The following NYNRIN variants were observed in gnomAD, a reference collection of about 807,000 sequenced individuals.
NYNRIN encodes the protein protein NYNRIN.
In NYNRIN, 86 loss-of-function variants were observed where a neutral mutation model predicts 146.6. The ratio of observed to expected loss-of-function variants is 0.59; its 90% CI spans 0.49 to 0.70. The LOEUF (loss-of-function observed/expected upper bound fraction) is 0.70. Ranked by LOEUF, NYNRIN falls within the 30% of genes least tolerant of loss-of-function variation. NYNRIN has a pLI of 0.00. For missense variants in NYNRIN, 2,191 were observed against 2,377.7 expected (o/e 0.92, Z 1.63); for synonymous variants, 1,027 against 1,001.3 (o/e 1.03, Z -0.48).
intron 8 of NYNRIN, among the ~76,000 whole-genome samples, chr14:24,414,132 C>T (rs1039772294): frequency 6.6e-6 from 1 of 152,206 alleles, no homozygotes; most frequent in African/African-American, 2.4e-5. Flanking sequence ...GCTCTGCTTC[C>T]TGGGGCCAGA....
At chr14:24,410,696 T>A (rs907554613) in intron 4 of NYNRIN, among the ~76,000 whole-genome samples, 2 of 152,204 alleles carry the variant, frequency 1.3e-5, no homozygotes, top group African/African-American at 4.8e-5. Flanking sequence ...GCCACATAAT[T>A]TGCCACATGA....
At position 24,415,004 on chromosome 14, in the gene NYNRIN, C is replaced by T. The variant is rs751088740; in HGVS notation, c.3255C>T (p.Leu1085=). 8 of 1,600,662 alleles carry T rather than the reference C, an allele frequency of 5.0e-6. No individual in the cohort carries two copies. The highest frequency in any genetic ancestry group is 4.4e-5 in the South Asian group (4 of 90,364). The change falls in exon 9 of 9, where the codon CTC becomes CTT. Residue 1085 remains leucine (L), a synonymous_variant. Coordinates refer to ENST00000382554, the MANE Select transcript of NYNRIN (RefSeq NM_025081.3). ...AGGTTCTTGCCCACCTGGCCCAGCT[C>T]ACCATCCCCAGCAACTTCACCGCAC... is the stretch of plus-strand genomic sequence containing the variant. ...CQQVLAHLAQ[L]TIPSNFTALS...
rs754180089 is a variant in NYNRIN at position 24,415,156 on chromosome 14, A to G, written c.3407A>G (p.Glu1136Gly). Reference sequence around the variant, plus strand: ...TGGCAGTGGGACCAGGAGCATGAGGAGGCCTTCCTGGCCCTGAAGCGAGCC... The same window carrying G: ...TGGCAGTGGGACCAGGAGCATGAGGGGGCCTTCCTGGCCCTGAAGCGAGCC... ...PDWQWDQEHEEAFLALKRALV... is the reference protein window; with the variant it reads ...PDWQWDQEHEGAFLALKRALV... Residue 1136 changes from glutamate to glycine, a missense_variant, in exon 9 of 9, where the codon GAG (glutamate) becomes GGG (glycine). This residue lies in a region of NYNRIN where 1,291 missense variants were observed against 1,417.0 expected (regional missense o/e 0.91). Coordinates refer to ENST00000382554, the MANE Select transcript of NYNRIN (RefSeq NM_025081.3). The G allele has an allele frequency of 6.2e-7, 1 of 1,606,156 alleles. No homozygotes were observed. Among genetic ancestry groups the G allele is most frequent in the Non-Finnish European group, 8.5e-7 (1 of 1,178,936 alleles).
chr14:24,414,992 C>T lies in NYNRIN; in HGVS notation c.3243C>T (p.His1081=), dbSNP rs1230599282. The T allele has an allele frequency of 6.3e-7, 1 of 1,598,244 alleles. No individual in the cohort carries two copies. Among genetic ancestry groups the T allele is most frequent in the Non-Finnish European group, 8.6e-7 (1 of 1,168,382 alleles). ...GKAPCQQVLA[H]LAQLTIPSNF... ...CTCCCTGCCAGCAGGTTCTTGCCCACCTGGCCCAGCTCACCATCCCCAGCA... is the reference window on the plus strand; with the variant it reads ...CTCCCTGCCAGCAGGTTCTTGCCCATCTGGCCCAGCTCACCATCCCCAGCA... Residue 1081 remains histidine (H), a synonymous_variant, in exon 9 of 9, where the codon CAC becomes CAT. Transcript: ENST00000382554.
At position 24,417,032 on chromosome 14, in the gene NYNRIN, G is replaced by A. The variant is rs1317097752; in HGVS notation, c.5283G>A (p.Leu1761=). The A allele has an allele frequency of 6.2e-7, 1 of 1,609,518 alleles. No individual in the cohort carries two copies. The highest frequency in any genetic ancestry group is 1.7e-4 in the Middle Eastern group (1 of 6,042). The change falls in exon 9 of 9, where the codon CTG becomes CTA. Residue 1761 remains leucine, a synonymous_variant. Coordinates refer to ENST00000382554, the MANE Select transcript of NYNRIN (RefSeq NM_025081.3). ...SSTDATPFKV[L]TGGESRLTEP... is the part of the protein sequence containing the mutation. ...CTGATGCCACACCGTTCAAGGTCCTGACCGGGGGTGAGTCAAGGCTCACGG... is the reference window on the plus strand; with the variant it reads ...CTGATGCCACACCGTTCAAGGTCCTAACCGGGGGTGAGTCAAGGCTCACGG...
In NYNRIN at chr14:24,409,532, C is replaced by T. The variant is rs375647768; in HGVS notation, c.1738C>T (p.His580Tyr). The T allele has an allele frequency of 5.0e-6, 8 of 1,612,666 alleles. No homozygotes were observed. In the African/African-American group the frequency reaches 8.0e-5, roughly 16 times the overall value. Residue 580 changes from histidine to tyrosine, a missense_variant, in exon 4 of 9, where the codon CAC (histidine) becomes TAC (tyrosine). Physicochemically the swap from His to Tyr is moderately conservative, Grantham distance 83. Coordinates refer to ENST00000382554, the MANE Select transcript of NYNRIN (RefSeq NM_025081.3). ...LPTSRMMLAVHTEPAAPEVPL... is the reference protein window; with the variant it reads ...LPTSRMMLAVYTEPAAPEVPL... ...TACATCTCGAATGATGCTGGCAGTG[C>T]ACACAGAGCCTGCAGCTCCCGAAGT... is the stretch of plus-strand genomic sequence containing the variant.
Position 24,411,331 on chromosome 14 carries a change from T to G in NYNRIN, c.2546-23T>G, listed in dbSNP as rs1157060735. 1 of 1,613,734 alleles carries G rather than the reference T, an allele frequency of 6.2e-7. No homozygotes were observed. Among genetic ancestry groups the G allele is most frequent in the Admixed American group, 1.7e-5 (1 of 60,022 alleles). ...CACTTAGCCCTCCCTTGACCATTTC[T>G]GTCTTCTGCCTTTCACCCCCAGAGA... is the stretch of plus-strand genomic sequence containing the variant. On this transcript the variant is annotated intron_variant, in intron 5 of 8. Transcript: ENST00000382554. This position sits in a 1 kb window ranked among gnomAD's most constrained non-coding sequence, Gnocchi z 4.3.
Position 24,414,579 on chromosome 14 carries a change from C to T in NYNRIN, c.2847-17C>T. 6.3e-7 allele frequency: 1 copy of T among 1,588,520 alleles called. No homozygotes were observed. Reference sequence around the variant, plus strand: ...ACGATGGGGCTGCCCTTCCCTCTTCCATCTGTTTTGGTGTAGGTTGGACAC... The same window carrying T: ...ACGATGGGGCTGCCCTTCCCTCTTCTATCTGTTTTGGTGTAGGTTGGACAC... On this transcript the variant is annotated splice_polypyrimidine_tract_variant and intron_variant, in intron 8 of 8. Coordinates refer to ENST00000382554, the MANE Select transcript of NYNRIN (RefSeq NM_025081.3).
Position 24,409,803 on chromosome 14 carries a change from T to C in NYNRIN, c.2009T>C (p.Val670Ala), listed in dbSNP as rs1315720504. 1.9e-6 allele frequency: 3 copies of C among 1,611,878 alleles called. No individual in the cohort carries two copies. Among genetic ancestry groups the C allele is most frequent in the Non-Finnish European group, 2.5e-6 (3 of 1,179,600 alleles). ...GCACCTGCAGCTCCCAAAGTACCTG[T>C]GACCCCCAGAGTCTCCAGAGCTCCC... Reference protein sequence around the residue: ...SKAPAAPKVPVTPRVSRAPKT... With the variant: ...SKAPAAPKVPATPRVSRAPKT... The change falls in exon 4 of 9, where the codon GTG (valine) becomes GCG (alanine). Residue 670 changes from valine (V) to alanine (A), a missense_variant. Val to Ala is a moderately conservative substitution (Grantham distance 64, BLOSUM62 0). Coordinates refer to ENST00000382554, the MANE Select transcript of NYNRIN (RefSeq NM_025081.3).
intron 2 of NYNRIN, among the ~76,000 whole-genome samples, chr14:24,406,641 T>C (rs1211142127): frequency 1.3e-5 from 2 of 152,220 alleles, no homozygotes; most frequent in East Asian, 3.8e-4. Flanking sequence ...GCCCGGGGAC[T>C]GAGCAGAGGC....
chr14:24,408,251 G>T lies in NYNRIN; in HGVS notation c.581G>T (p.Arg194Leu). The T allele has an allele frequency of 6.2e-7, 1 of 1,609,486 alleles. No homozygotes were observed. Among genetic ancestry groups the T allele is most frequent in the African/African-American group, 1.3e-5 (1 of 75,020 alleles). ...CAGGAGCTGCTGCTGAGCCTGGTGC[G>T]GGATGCTGCGGGCAAGGAAGACATC... is the stretch of plus-strand genomic sequence containing the variant. ...AVQELLLSLV[R>L]DAAGKEDIIE... The change falls in exon 3 of 9, where the codon CGG becomes CTG. Residue 194 changes from arginine (R) to leucine (L), a missense_variant. Transcript: ENST00000382554.
At position 24,417,143 on chromosome 14, in the gene NYNRIN, G is replaced by A; in HGVS notation, c.5394G>A (p.Leu1798=). The change falls in exon 9 of 9, where the codon CTG becomes CTA. Residue 1798 remains leucine (L), a synonymous_variant. Transcript: ENST00000382554. The stretch of plus-strand genomic sequence containing the variant: ...TGCTACAGCTGGTGGGGGAGCTGCT[G>A]GAGCTCCACTGGAGGGTGGCTGACA... ...VFLLQLVGEL[L]ELHWRVADKA... is the part of the protein sequence containing the mutation. 6.2e-7 allele frequency: 1 copy of A among 1,614,014 alleles called. No individual in the cohort carries two copies. Among genetic ancestry groups the A allele is most frequent in the South Asian group, 1.1e-5 (1 of 91,088 alleles).
Position 24,417,018 on chromosome 14 carries a change from C to T in NYNRIN, c.5269C>T (p.Pro1757Ser). 2 of 1,601,770 alleles carry T rather than the reference C, an allele frequency of 1.2e-6. No individual in the cohort carries two copies. Among genetic ancestry groups the T allele is most frequent in the Non-Finnish European group, 1.7e-6 (2 of 1,172,966 alleles). ...CAGGGCCTCCTCCACTGATGCCACA[C>T]CGTTCAAGGTCCTGACCGGGGGTGA... ...AFRASSTDAT[P>S]FKVLTGGESR... Residue 1757 changes from proline to serine, a missense_variant, in exon 9 of 9, where the codon CCG (proline) becomes TCG (serine). By Grantham distance (74) the Pro-to-Ser change is moderately conservative (BLOSUM62 -1). Around this residue, in one of 3 missense-constraint regions of NYNRIN, gnomAD observed 1,291 missense variants for 1,417.0 expected, o/e 0.91. Coordinates refer to ENST00000382554, the MANE Select transcript of NYNRIN (RefSeq NM_025081.3).
At position 24,416,788 on chromosome 14, in the gene NYNRIN, C is replaced by T; in HGVS notation, c.5039C>T (p.Ala1680Val). The T allele has an allele frequency of 1.2e-6, 2 of 1,612,918 alleles. No individual in the cohort carries two copies. Among genetic ancestry groups the T allele is most frequent in the South Asian group, 1.1e-5 (1 of 91,030 alleles). ...RWGVPVRLEA[A>V]QGPQFARHVL... is the part of the protein sequence containing the mutation. ...GGTGTTCCTGTGAGGCTGGAGGCAG[C>T]CCAGGGGCCCCAGTTTGCCCGGCAC... Residue 1680 changes from alanine (A) to valine (V), a missense_variant, in exon 9 of 9, where the codon GCC becomes GTC. This residue lies in a region of NYNRIN where 1,291 missense variants were observed against 1,417.0 expected (regional missense o/e 0.91). Transcript: ENST00000382554.
rs1367907790 is a variant in NYNRIN at position 24,399,048 on chromosome 14, G to A, written c.-56G>A. 3 of 530,640 alleles carry A rather than the reference G, an allele frequency of 5.7e-6. No homozygotes were observed. In the African/African-American group the frequency reaches 6.2e-5, roughly 11 times the overall value. The allele number at this position is 530,640 out of a possible 1,614,324, so 32.9% of individuals were successfully genotyped here. A position where few individuals can be genotyped will look rare whatever the true frequency, so the allele number is the denominator to read the frequency against. On this transcript the variant is annotated 5_prime_UTR_variant, in exon 1 of 9. Coordinates refer to ENST00000382554, the MANE Select transcript of NYNRIN (RefSeq NM_025081.3). ...TCGTCGCGGTAGCAGCGGTCGAAGG[G>A]GACCAAGCTCCAGAGGGCGGGCGCC...
At chr14:24,413,218 G>A in intron 7 of NYNRIN, 98 bp from the exon 8 acceptor site, 1 of 1,362,208 alleles carries the variant, frequency 7.3e-7, no homozygotes, top group Non-Finnish European at 1.0e-6. Flanking sequence ...GCACCTGCCA[G>A]GATGTGGGTC....
Position 24,416,665 on chromosome 14 carries a change from C to G in NYNRIN, c.4916C>G (p.Ala1639Gly), listed in dbSNP as rs1429231617. 5 of 1,613,972 alleles carry G rather than the reference C, an allele frequency of 3.1e-6. No homozygotes were observed. Among genetic ancestry groups the G allele is most frequent in the Non-Finnish European group, 4.2e-6 (5 of 1,179,890 alleles). The part of the protein sequence containing the change: ...EEGHKHVLIV[A>G]DPNTRWVEAF... ...GGCCATAAGCATGTACTTATTGTGG[C>G]TGACCCAAACACCAGGTGGGTGGAG... The change falls in exon 9 of 9, where the codon GCT (alanine) becomes GGT (glycine). Residue 1639 changes from alanine (A) to glycine (G), a missense_variant. Transcript: ENST00000382554.
chr14:24,417,162 G>A lies in NYNRIN; in HGVS notation c.5413G>A (p.Ala1805Thr), dbSNP rs747839895. The A allele has an allele frequency of 2.9e-5, 46 of 1,613,932 alleles. No homozygotes were observed. Among genetic ancestry groups the A allele is most frequent in the Non-Finnish European group, 3.6e-5 (43 of 1,179,902 alleles). The change falls in exon 9 of 9, where the codon GCT (alanine) becomes ACT (threonine). Residue 1805 changes from alanine to threonine, a missense_variant. By Grantham distance (58) the Ala-to-Thr change is moderately conservative. Around this residue, in one of 3 missense-constraint regions of NYNRIN, gnomAD observed 1,291 missense variants for 1,417.0 expected, o/e 0.91. Transcript: ENST00000382554. The stretch of plus-strand genomic sequence containing the variant: ...GCTGCTGGAGCTCCACTGGAGGGTG[G>A]CTGACAAGGCGAGTGAAAAGGCCGA... ...GELLELHWRV[A>T]DKASEKAENR...
chr14:24,416,481 C>T lies in NYNRIN; in HGVS notation c.4732C>T (p.His1578Tyr). The change falls in exon 9 of 9, where the codon CAT becomes TAT. Residue 1578 changes from histidine to tyrosine, a missense_variant. Coordinates refer to ENST00000382554, the MANE Select transcript of NYNRIN (RefSeq NM_025081.3). Reference protein sequence around the residue: ...LLGWWPGMQEHVKDYCRSCLF... With the variant: ...LLGWWPGMQEYVKDYCRSCLF... ...GGGGTGGTGGCCTGGGATGCAGGAG[C>T]ATGTGAAAGATTACTGCAGGAGCTG... 1 of 1,613,376 alleles carries T rather than the reference C, an allele frequency of 6.2e-7. No homozygotes were observed. The highest frequency in any genetic ancestry group is 8.5e-7 in the Non-Finnish European group (1 of 1,179,658).
Sources: gnomAD v4.1 joint callset for allele counts (sites outside exome capture counted in the v4.1 genomes callset) on GRCh38, gnomAD v4.1.1 for gene constraint, gnomAD v4.1.1 regional missense constraint, Gnocchi (gnomAD v3.1) non-coding constraint, MANE v1.5 for transcripts, NCBI Gene and HGNC (gene_info 2026-07-23, HGNC 2026-07-21) for gene names.